The following ADAMTSL1 variants were observed in gnomAD, a reference collection of about 807,000 sequenced individuals.
ADAMTSL1 encodes ADAMTS like 1, also known as ADAMTS-like protein 1.
ADAMTSL1 carries 126 observed loss-of-function variants against 201.8 expected under a neutral mutation model. The observed-to-expected ratio is 0.62, with a 90% CI of 0.54 to 0.72. The LOEUF (loss-of-function observed/expected upper bound fraction) is 0.72. Among genes scored for constraint, ADAMTSL1 ranks in the 30% least tolerant of loss-of-function variants. The probability of loss-of-function intolerance (pLI) is 0.00; values close to 1 mark genes in which losing one functional copy is unlikely to be tolerated. For synonymous variants in ADAMTSL1, 1,121 were observed against 903.4 expected (o/e 1.24, Z -4.32); for missense variants, 2,679 against 2,277.8 (o/e 1.18, Z -3.59).
intron 23 of ADAMTSL1, among the ~76,000 whole-genome samples, chr9:18,877,982 G>A (rs780324181): frequency 1.3e-5 from 2 of 151,730 alleles, no homozygotes; most frequent in Non-Finnish European, 2.9e-5. Context: ...TAGTTCTCAG[G>A]CCAACAAAGT....
chr9:18,213,351 T>C (rs1448892891), intron 2 of ADAMTSL1, among the ~76,000 whole-genome samples: 4 of 152,188 alleles, frequency 2.6e-5, no homozygotes, highest in African/African-American at 7.2e-5. Context: ...AGGGATTGAA[T>C]TGGTGTTGGT....
chr9:18,518,361 C>T (rs767974638), intron 2 of ADAMTSL1, among the ~76,000 whole-genome samples: 6 of 151,872 alleles, frequency 4.0e-5, no homozygotes, highest in East Asian at 1.9e-4. Flanking sequence ...TCCATGTGTA[C>T]GCATTGTTTA....
chr9:18,309,137 C>T (rs1387090553), intron 2 of ADAMTSL1, among the ~76,000 whole-genome samples: 1 of 150,334 alleles, frequency 6.7e-6, no homozygotes, highest in Non-Finnish European at 1.5e-5. Flanking sequence ...AATTCAACAC[C>T]TATTCATGCT....
chr9:18,850,532 G>T (rs915417830), intron 23 of ADAMTSL1, among the ~76,000 whole-genome samples: 1 of 152,158 alleles, frequency 6.6e-6, no homozygotes, highest in Non-Finnish European at 1.5e-5. Context: ...AGACCCTACT[G>T]CCTTGGTTCC....
chr9:17,940,549 T>C (rs1284043881), intron 1 of ADAMTSL1, among the ~76,000 whole-genome samples: 4 of 151,900 alleles, frequency 2.6e-5, no homozygotes, highest in African/African-American at 9.7e-5. Flanking sequence ...GTTGACCTGT[T>C]GAGTTGGAAT....
chr9:18,093,087 C>T (rs1356918027), intron 1 of ADAMTSL1, among the ~76,000 whole-genome samples: 4 of 152,102 alleles, frequency 2.6e-5, no homozygotes, highest in African/African-American at 7.2e-5. Flanking sequence ...AGTTAATGGT[C>T]ATTCATAGTG....
intron 2 of ADAMTSL1, among the ~76,000 whole-genome samples, chr9:18,168,216 A>G (rs1463730812): frequency 6.6e-6 from 1 of 151,966 alleles, no homozygotes; most frequent in Non-Finnish European, 1.5e-5. Flanking sequence ...TGCACCCATT[A>G]ACTCATCATT....
At chr9:17,962,902 A>G (rs1473345981) in intron 1 of ADAMTSL1, among the ~76,000 whole-genome samples, 1 of 152,164 alleles carries the variant, frequency 6.6e-6, no homozygotes, top group Non-Finnish European at 1.5e-5. Context: ...TGGTGAAGTA[A>G]TTGTCGGTTG....
chr9:18,713,036 G>C (rs1187386798), intron 14 of ADAMTSL1, among the ~76,000 whole-genome samples: 2 of 151,686 alleles, frequency 1.3e-5, no homozygotes, highest in African/African-American at 4.8e-5. Flanking sequence ...ATACTTTACA[G>C]ACAAGCAAAT....
chr9:18,538,318 G>GATC (rs1819919805), intron 3 of ADAMTSL1, among the ~76,000 whole-genome samples: 3 of 152,110 alleles, frequency 2.0e-5, no homozygotes, highest in African/African-American at 7.2e-5. Context: ...GCATTGTTGT[G>GATC]TGAAACAGGA....
chr9:18,135,873 C>T (rs1826137287), intron 1 of ADAMTSL1, among the ~76,000 whole-genome samples: 1 of 152,128 alleles, frequency 6.6e-6, no homozygotes, highest in Non-Finnish European at 1.5e-5. Flanking sequence ...TTCCATGCAA[C>T]AGGTACTATA....
intron 14 of ADAMTSL1, chr9:18,718,188 A>G (rs1821376): frequency 0.57 from 442,855 of 782,646 alleles, 127,408 homozygotes; most frequent in Admixed American, 0.68. Context: ...CTTATTACCA[A>G]CAAGAATCAT....
chr9:18,034,829 T>A (rs1403917102), intron 1 of ADAMTSL1, among the ~76,000 whole-genome samples: 1 of 152,234 alleles, frequency 6.6e-6, no homozygotes, highest in East Asian at 1.9e-4. Flanking sequence ...TTTAGTCTTA[T>A]TTTTATAAAG....
chr9:18,441,877 T>G (rs2133456112), intron 2 of ADAMTSL1, among the ~76,000 whole-genome samples: 1 of 152,292 alleles, frequency 6.6e-6, no homozygotes. Context: ...TTTAACTAAG[T>G]TTTGGTGCTG....
chr9:17,999,773 G>T (rs1443946322), intron 1 of ADAMTSL1, among the ~76,000 whole-genome samples: 3 of 142,692 alleles, frequency 2.1e-5, no homozygotes, highest in African/African-American at 7.9e-5. Context: ...CCCCACCACA[G>T]TCCCCAGAGT....
At chr9:18,626,800 A>T (rs1254206733) in intron 5 of ADAMTSL1, among the ~76,000 whole-genome samples, 1 of 141,986 alleles carries the variant, frequency 7.0e-6, no homozygotes, top group Non-Finnish European at 1.6e-5. Context: ...CTGCACCTGT[A>T]TTTATTTTCT....
In ADAMTSL1 at chr9:18,463,985, T is replaced by C. The variant is rs141456359; in HGVS notation, c.208-40844T>C. On this transcript the variant is annotated intron_variant, in intron 2 of 29. Coordinates refer to the ADAMTSL1 transcript ENST00000680146. ...GCAAATGTTCATTAGACTCCTATTA[T>C]GTGCCATGCAGCTATGCCAGAGGTG... 1.8e-3 allele frequency among the ~76,000 whole-genome samples: 270 copies of C among 152,378 alleles called. 2 individuals are homozygous for C. The highest frequency in any genetic ancestry group is 6.8e-3 in the Middle Eastern group (2 of 294).
chr9:18,865,439 G>A (rs562944899), intron 23 of ADAMTSL1, among the ~76,000 whole-genome samples: 39 of 152,146 alleles, frequency 2.6e-4, no homozygotes, highest in South Asian at 1.2e-3. Context: ...CCAGTCTATC[G>A]TTGTTGGACA....
At chr9:18,678,796 T>C (rs558616717) in intron 10 of ADAMTSL1, among the ~76,000 whole-genome samples, 1 of 152,332 alleles carries the variant, frequency 6.6e-6, no homozygotes, top group East Asian at 1.9e-4. Flanking sequence ...GAATCAGGCC[T>C]GATATTCATC....
Sources: gnomAD v4.1 joint callset for allele counts (sites outside exome capture counted in the v4.1 genomes callset) on GRCh38, gnomAD v4.1.1 for gene constraint, MANE v1.5 for transcripts, NCBI Gene and HGNC (gene_info 2026-07-23, HGNC 2026-07-21) for gene names.